SLC8A2: variants seen among roughly 807,000 people sequenced by gnomAD.
The protein encoded by SLC8A2 is sodium/calcium exchanger 2.
A neutral mutation model predicts 70.2 loss-of-function variants in SLC8A2; 14 were observed. The ratio of observed to expected loss-of-function variants is 0.20; its 90% CI spans 0.13 to 0.31. The LOEUF (loss-of-function observed/expected upper bound fraction) is 0.31. Ranked by LOEUF, SLC8A2 falls within the 10% of genes least tolerant of loss-of-function variation. The probability of loss-of-function intolerance (pLI) is 1.00; values close to 1 mark genes in which losing one functional copy is unlikely to be tolerated. For missense variants in SLC8A2, 779 were observed against 1,320.1 expected, an observed-to-expected ratio of 0.59 and a Z score of 6.35; for synonymous variants, 575 against 594.3, an observed-to-expected ratio of 0.97 and a Z score of 0.47.
At chr19:47,451,922 CAGGGAAATGCAA>C (rs1967239468) in intron 3 of SLC8A2, among the ~76,000 whole-genome samples, 3 of 152,040 alleles carry the variant, frequency 2.0e-5, no homozygotes, top group African/African-American at 7.3e-5. Flanking sequence ...AGAGATTTGA[CAGGGAAATGCAA>C]TGTGTGGTTC....
chr19:47,462,147 A>G (rs1449929449), intron 2 of SLC8A2, among the ~76,000 whole-genome samples: 2 of 152,220 alleles, frequency 1.3e-5, no homozygotes, highest in East Asian at 3.8e-4. Flanking sequence ...GAAATGTCCC[A>G]TATGCCGTCT....
At chr19:47,449,536 C>A (rs748689872) in intron 3 of SLC8A2, among the ~76,000 whole-genome samples, 2 of 152,114 alleles carry the variant, frequency 1.3e-5, no homozygotes, top group Non-Finnish European at 2.9e-5. Context: ...GTTGGCCAGG[C>A]CGGTCTCGAA....
intron 6 of SLC8A2, among the ~76,000 whole-genome samples, chr19:47,439,815 C>A (rs977002939): frequency 6.6e-6 from 1 of 152,190 alleles, no homozygotes; most frequent in Non-Finnish European, 1.5e-5. Flanking sequence ...AGGTGCCCAC[C>A]ACCATGCCCG....
At chr19:47,442,785 G>A (rs763476671) in intron 4 of SLC8A2, among the ~76,000 whole-genome samples, 2 of 152,164 alleles carry the variant, frequency 1.3e-5, no homozygotes, top group Non-Finnish European at 2.9e-5. Flanking sequence ...CTGGGATCAA[G>A]CGATCCTCCT....
In SLC8A2 at chr19:47,437,508, G is replaced by A. The variant is rs1967044887; in HGVS notation, c.2064C>T (p.Thr688=). 1 of 1,613,770 alleles carries A rather than the reference G, an allele frequency of 6.2e-7. No homozygotes were observed. Among genetic ancestry groups the A allele is most frequent in the Non-Finnish European group, 8.5e-7 (1 of 1,179,864 alleles). The change falls in exon 8 of 10, where the codon ACC becomes ACT. Residue 688 remains threonine, a synonymous_variant. Transcript: ENST00000236877. ...CTAAAAACTGCTCCCTCCATGAATGGGTCCCAATTACCAAGGCCAAGTTCG... is the reference window on the plus strand; with the variant it reads ...CTAAAAACTGCTCCCTCCATGAATGAGTCCCAATTACCAAGGCCAAGTTCG... ...KKTNLALVIG[T]HSWREQFLEA... is the part of the protein sequence containing the mutation.
chr19:47,456,868 C>T (rs1365799915), intron 3 of SLC8A2, 62 bp downstream of exon 3: 5 of 1,481,542 alleles, frequency 3.4e-6, no homozygotes, highest in South Asian at 1.4e-5. Context: ...TGGAGGCCGC[C>T]GGACGGCGGG....
intron 1 of SLC8A2, among the ~76,000 whole-genome samples, chr19:47,469,361 C>T (rs1967504520): frequency 6.6e-6 from 1 of 152,142 alleles, no homozygotes; most frequent in Non-Finnish European, 1.5e-5. Flanking sequence ...AGGGGCCAGC[C>T]GGGAGTCAGG....
chr19:47,469,119 C>CAT (rs1555751493), intron 1 of SLC8A2, among the ~76,000 whole-genome samples: 2 of 143,160 alleles, frequency 1.4e-5, no homozygotes, highest in Non-Finnish European at 1.5e-5. Flanking sequence ...TGCCTGTGTG[C>CAT]GTGTGTGTGT....
rs1967496141 is a variant in SLC8A2, at chr19:47,468,877, A to G, written c.-16-2458T>C. Among the ~76,000 whole-genome samples the G allele has an allele frequency of 6.8e-6, 1 of 146,332 alleles. No individual in the cohort carries two copies. The highest frequency in any genetic ancestry group is 2.8e-5 in the African/African-American group (1 of 35,942). Reference sequence around the variant, plus strand: ...AACCCAGTGGCTTATCAAAAAGAGAAGGAGAGAGGAAGAGAGGTGTCCTGG... The same window carrying G: ...AACCCAGTGGCTTATCAAAAAGAGAGGGAGAGAGGAAGAGAGGTGTCCTGG... On this transcript the variant is annotated intron_variant, in intron 1 of 9. Transcript: ENST00000236877. This position sits in a 1 kb window ranked among gnomAD's most constrained non-coding sequence, Gnocchi z 5.1.
At chr19:47,431,657 C>CA (rs774813485) in intron 9 of SLC8A2, among the ~76,000 whole-genome samples, 223 of 47,140 alleles carry the variant, frequency 4.7e-3, no homozygotes, top group Non-Finnish European at 7.1e-3. Context: ...GTCCCCACAC[C>CA]AAAAAAAAAA....
intron 4 of SLC8A2, among the ~76,000 whole-genome samples, chr19:47,442,117 A>T (rs1967106798): frequency 6.6e-6 from 1 of 152,046 alleles, no homozygotes. Context: ...TAATAATAAT[A>T]AAAAAATAAA....
In SLC8A2 at chr19:47,457,443, G is replaced by C. The variant is rs1054505595; in HGVS notation, c.827C>G (p.Pro276Arg). 1.2e-6 allele frequency: 2 copies of C among 1,605,260 alleles called. No homozygotes were observed. Among genetic ancestry groups the C allele is most frequent in the Non-Finnish European group, 1.7e-6 (2 of 1,177,098 alleles). The stretch of plus-strand genomic sequence containing the variant: ...GCCGTCCAGCTCGATGCTCTTCGGG[G>C]GGTCGCCCTCGGCGCCTATGATGAT... ...SGIIIGAEGD[P>R]PKSIELDGTF... Residue 276 changes from proline to arginine, a missense_variant, in exon 3 of 10, where the codon CCC becomes CGC. Transcript: ENST00000236877.
At chr19:47,439,573 G>A (rs1967073059) in intron 6 of SLC8A2, among the ~76,000 whole-genome samples, 1 of 146,170 alleles carries the variant, frequency 6.8e-6, no homozygotes, top group Admixed American at 6.7e-5. Context: ...CTTTGCCTGA[G>A]CAAGAAATAA....
intron 6 of SLC8A2, among the ~76,000 whole-genome samples, chr19:47,440,530 G>A (rs1367172988): frequency 5.9e-5 from 9 of 152,238 alleles, no homozygotes; most frequent in East Asian, 5.8e-4. Flanking sequence ...GGGTTCAAGC[G>A]ATTCTCCTGC....
At chr19:47,442,407 G>A (rs904562414) in intron 4 of SLC8A2, among the ~76,000 whole-genome samples, 1 of 152,166 alleles carries the variant, frequency 6.6e-6, no homozygotes. Flanking sequence ...AAAGTCCTTA[G>A]GATGGCCCAC....
intron 8 of SLC8A2, among the ~76,000 whole-genome samples, chr19:47,436,495 G>A (rs1256209291): frequency 1.3e-5 from 2 of 152,230 alleles, no homozygotes; most frequent in Admixed American, 1.3e-4. Flanking sequence ...ACAGTCTGGT[G>A]TTTCTAGGAC....
intron 4 of SLC8A2, among the ~76,000 whole-genome samples, chr19:47,445,398 C>T (rs1252033810): frequency 1.3e-5 from 2 of 152,152 alleles, no homozygotes; most frequent in Admixed American, 6.5e-5. Flanking sequence ...CATGAGCCAC[C>T]GTGCCCGACC....
rs150429926 is a variant in SLC8A2, at chr19:47,468,792, G to A, written c.-16-2373C>T. The stretch of plus-strand genomic sequence containing the variant: ...CAGCACCAACTCTGGCTCCCAGGTC[G>A]CCTCTCCAAGAGTGGCCCTGACTCT... On this transcript the variant is annotated intron_variant, in intron 1 of 9. Coordinates refer to ENST00000236877, the MANE Select transcript of SLC8A2 (RefSeq NM_015063.3). This position sits in a 1 kb window ranked among gnomAD's most constrained non-coding sequence, Gnocchi z 5.1. Among the ~76,000 whole-genome samples the A allele has an allele frequency of 3.3e-5, 5 of 152,240 alleles. No homozygotes were observed. Among genetic ancestry groups the A allele is most frequent in the South Asian group, 2.1e-4 (1 of 4,824 alleles).
Position 47,441,453 on chromosome 19 carries a change from T to G in SLC8A2, c.1764-13A>C. The G allele has an allele frequency of 6.4e-7, 1 of 1,555,206 alleles. No individual in the cohort carries two copies. The highest frequency in any genetic ancestry group is 8.8e-7 in the Non-Finnish European group (1 of 1,130,660). On this transcript the variant is annotated splice_polypyrimidine_tract_variant and intron_variant, in intron 4 of 9. Coordinates refer to ENST00000236877, the MANE Select transcript of SLC8A2 (RefSeq NM_015063.3). ...CTGAAGAGTTTTCCTGTGCAGGGGG[T>G]AAGGGGGAGGCAGAACACTCAGTGT...
Sources: gnomAD v4.1 joint callset for allele counts (sites outside exome capture counted in the v4.1 genomes callset) on GRCh38, gnomAD v4.1.1 for gene constraint, Gnocchi (gnomAD v3.1) non-coding constraint, MANE v1.5 for transcripts, NCBI Gene and HGNC (gene_info 2026-07-23, HGNC 2026-07-21) for gene names.